The following SNTA1 variants were observed in gnomAD, a reference collection of about 807,000 sequenced individuals.
The protein encoded by SNTA1 is syntrophin alpha 1.
Under a neutral mutation model 47.1 loss-of-function variants are expected in SNTA1, and 31 were observed. The observed-to-expected ratio is 0.66, with a 90% CI of 0.49 to 0.89. The LOEUF (loss-of-function observed/expected upper bound fraction) is 0.89. SNTA1 is among the 40% of genes least tolerant of loss of function. SNTA1 has a pLI of 0.00. For synonymous variants in SNTA1, 300 were observed against 313.6 expected (o/e 0.96, Z 0.46); for missense variants, 575 against 693.0 (o/e 0.83, Z 1.91).
At chr20:33,439,120 G>T in intron 1 of SNTA1, 94 bp from the exon 2 acceptor site, 1 of 1,175,348 alleles carries the variant, frequency 8.5e-7, no homozygotes, top group Non-Finnish European at 1.3e-6. Flanking sequence ...GCTTCCCTTG[G>T]TGCCTAGCCC....
At chr20:33,430,765 A>G (rs1168221191) in intron 2 of SNTA1, among the ~76,000 whole-genome samples, 2 of 151,730 alleles carry the variant, frequency 1.3e-5, no homozygotes, top group East Asian at 3.9e-4. Context: ...CCTGGCTAAC[A>G]TGGTGAGATC....
At position 33,412,314 on chromosome 20, in the gene SNTA1, G is replaced by T. The variant is rs1568747943; in HGVS notation, c.1022C>A (p.Ala341Asp). Residue 341 changes from alanine (A) to aspartate (D), a missense_variant, in exon 5 of 8, where the codon GCC (alanine) becomes GAC (aspartate). Transcript: ENST00000217381. ...REALSRPART[A>D]PLIATRLVHS... ...TGGGTACCTGGTGGCGATGAGTGGG[G>T]CAGTACGGGCTGGCCGGCTCAGGGC... 1 of 1,611,874 alleles carries T rather than the reference G, an allele frequency of 6.2e-7. No individual in the cohort carries two copies. The highest frequency in any genetic ancestry group is 1.7e-5 in the Admixed American group (1 of 59,744).
chr20:33,441,657 C>T (rs1990581609), intron 1 of SNTA1, among the ~76,000 whole-genome samples: 2 of 152,128 alleles, frequency 1.3e-5, no homozygotes, highest in African/African-American at 4.8e-5. Flanking sequence ...ACCATGGCAA[C>T]AGGAGCCCAG....
At chr20:33,417,645 G>T in intron 3 of SNTA1, 74 bp downstream of exon 3, 1 of 1,027,648 alleles carries the variant, frequency 9.7e-7, no homozygotes, top group Non-Finnish European at 1.5e-6. Context: ...CAACACAGAG[G>T]TGTCTTTCCA....
At chr20:33,419,957 T>C (rs184772413) in intron 2 of SNTA1, among the ~76,000 whole-genome samples, 22 of 152,116 alleles carry the variant, frequency 1.4e-4, no homozygotes, top group Admixed American at 7.9e-4. Context: ...AGAGTCTCAC[T>C]CTGTCGCCCA....
Position 33,410,791 on chromosome 20 carries a change from G to C in SNTA1, c.1041-460C>G, listed in dbSNP as rs1469258781. Among the ~76,000 whole-genome samples the C allele has an allele frequency of 2.6e-5, 4 of 152,146 alleles. No individual in the cohort carries two copies. In the East Asian group the frequency reaches 7.7e-4, roughly 29 times the overall value. On this transcript the variant is annotated intron_variant, in intron 5 of 7. Transcript: ENST00000217381. Reference sequence around the variant, plus strand: ...TTATTATTTGTTTTCGTTGGTTTTTGACTGTCTTTTTCACTAGAATGTCAA... The same window carrying C: ...TTATTATTTGTTTTCGTTGGTTTTTCACTGTCTTTTTCACTAGAATGTCAA...
At chr20:33,439,122 G>T in intron 1 of SNTA1, 96 bp from the exon 2 acceptor site, 1 of 1,145,050 alleles carries the variant, frequency 8.7e-7, no homozygotes, top group Non-Finnish European at 1.3e-6. Flanking sequence ...TTCCCTTGGT[G>T]CCTAGCCCAG....
chr20:33,419,951 T>A (rs148522873), intron 2 of SNTA1, among the ~76,000 whole-genome samples: 339 of 151,570 alleles, frequency 2.2e-3, no homozygotes, highest in South Asian at 4.6e-3. Context: ...TGTGACAGAG[T>A]CTCACTCTGT....
At chr20:33,422,043 G>A (rs1238162220) in intron 2 of SNTA1, among the ~76,000 whole-genome samples, 2 of 151,620 alleles carry the variant, frequency 1.3e-5, no homozygotes, top group Non-Finnish European at 2.9e-5. Flanking sequence ...TGAGTATTAA[G>A]GACTCAAGAA....
intron 3 of SNTA1, among the ~76,000 whole-genome samples, chr20:33,416,938 C>CAAAAA (rs1161474406): frequency 1.8e-5 from 1 of 56,044 alleles, no homozygotes; most frequent in South Asian, 6.1e-4. Flanking sequence ...GAGACTCTGT[C>CAAAAA]AAAAAAAAAA....
chr20:33,412,640 G>C lies in SNTA1; in HGVS notation c.844C>G (p.Leu282Val), dbSNP rs1360175710. The change falls in exon 4 of 8, where the codon CTG becomes GTG. Residue 282 changes from leucine (L) to valine (V), a missense_variant. By Grantham distance (32) the Leu-to-Val change is conservative (BLOSUM62 1). Coordinates refer to ENST00000217381, the MANE Select transcript of SNTA1 (RefSeq NM_003098.3). ...CCAGCTGTGCTGGTGGCTGCCAACA[G>C]TGCCTGCAGCTCATCCTTGACCCGC... ...TPRVKDELQA[L>V]LAATSTAGSQ... 1 of 1,613,910 alleles carries C rather than the reference G, an allele frequency of 6.2e-7. No individual in the cohort carries two copies. Among genetic ancestry groups the C allele is most frequent in the Non-Finnish European group, 8.5e-7 (1 of 1,180,038 alleles).
intron 3 of SNTA1, among the ~76,000 whole-genome samples, chr20:33,415,285 T>G (rs910283220): frequency 1.3e-5 from 2 of 152,200 alleles, no homozygotes; most frequent in Admixed American, 1.3e-4. Context: ...TTTCAGGTAA[T>G]GTCTGGGATC....
rs1990549405 is a variant in SNTA1, at chr20:33,440,374, T to G, written c.311-1348A>C. On this transcript the variant is annotated intron_variant, in intron 1 of 7. Transcript: ENST00000217381. ...GGGAGGCTGAGTCAGGAGAATTGCT[T>G]GAACCGGGAGGCTGAGGTTGCAATG... is the stretch of plus-strand genomic sequence containing the variant. Among the ~76,000 whole-genome samples, 3 of 151,956 alleles carry G rather than the reference T, an allele frequency of 2.0e-5. No individual in the cohort carries two copies. In the South Asian group the frequency reaches 6.2e-4, roughly 31 times the overall value.
chr20:33,437,340 T>C (rs1220891611), intron 2 of SNTA1, among the ~76,000 whole-genome samples: 3 of 149,718 alleles, frequency 2.0e-5, no homozygotes, highest in Non-Finnish European at 4.4e-5. Context: ...GGTGGGAGGA[T>C]TGTTTGAGCC....
chr20:33,418,986 T>C (rs1334906988), intron 2 of SNTA1, among the ~76,000 whole-genome samples: 2 of 150,902 alleles, frequency 1.3e-5, no homozygotes, highest in Non-Finnish European at 3.0e-5. Flanking sequence ...GGGTGGTGCA[T>C]GCCTGTAATC....
rs150811363 is a variant in SNTA1 at position 33,421,870 on chromosome 20, T to A, written c.497-3947A>T. Among the ~76,000 whole-genome samples, 302 of 147,414 alleles carry A rather than the reference T, an allele frequency of 2.0e-3. 1 individual carries two copies. Among genetic ancestry groups the A allele is most frequent in the African/African-American group, 7.3e-3 (290 of 39,826 alleles). ...TACTCGGGAGGCTGAGGTGGGAGGA[T>A]TGCTTGAGCCCAGGAGGCAGAGGTT... On this transcript the variant is annotated intron_variant, in intron 2 of 7. Coordinates refer to ENST00000217381, the MANE Select transcript of SNTA1 (RefSeq NM_003098.3).
In SNTA1 at chr20:33,443,465, C is replaced by A. The variant is rs1201896555; in HGVS notation, c.156G>T (p.Glu52Asp). 2 of 1,372,934 alleles carry A rather than the reference C, an allele frequency of 1.5e-6. No individual in the cohort carries two copies. The highest frequency in any genetic ancestry group is 5.4e-5 in the Admixed American group (2 of 36,902). The allele number at this position is 1,372,934 out of a possible 1,614,324, so 85.0% of individuals were successfully genotyped here. Residue 52 changes from glutamate (E) to aspartate (D), a missense_variant, in exon 1 of 8, where the codon GAG becomes GAT. Physicochemically the swap from Glu to Asp is conservative, Grantham distance 45 (BLOSUM62 2). Transcript: ENST00000217381. ...GCTCCTGCTCCCGCGGAGCGCCGGG[C>A]TCGGGACCAGGGTCGCCGTCGGCGG... ...VSPADGDPGP[E>D]PGAPREQEPA...
rs144326112 is a variant in SNTA1 at position 33,428,250 on chromosome 20, G to T, written c.497-10327C>A. On this transcript the variant is annotated intron_variant, in intron 2 of 7. Coordinates refer to ENST00000217381, the MANE Select transcript of SNTA1 (RefSeq NM_003098.3). ...TGGCGAAATCCCATCTCCACAAAAA[G>T]CACAAAAATTTAGCTGGGTGTGGTG... Among the ~76,000 whole-genome samples, 903 of 151,970 alleles carry T rather than the reference G, an allele frequency of 5.9e-3. 15 individuals carry two copies. Among genetic ancestry groups the T allele is most frequent in the African/African-American group, 0.021 (876 of 41,470 alleles).
At chr20:33,409,641 A>T (rs574846951) in intron 6 of SNTA1, among the ~76,000 whole-genome samples, 68 of 141,536 alleles carry the variant, frequency 4.8e-4, no homozygotes, top group Admixed American at 2.4e-3. Flanking sequence ...TTGTATTATT[A>T]TTTTTTTTTT....
Sources: gnomAD v4.1 joint callset for allele counts (sites outside exome capture counted in the v4.1 genomes callset) on GRCh38, gnomAD v4.1.1 for gene constraint, MANE v1.5 for transcripts, NCBI Gene and HGNC (gene_info 2026-07-23, HGNC 2026-07-21) for gene names.